The following PTPRN2 variants were observed in gnomAD, a reference collection of about 807,000 sequenced individuals.
PTPRN2 encodes the protein receptor-type tyrosine-protein phosphatase N2.
A neutral mutation model predicts 118.8 loss-of-function variants in PTPRN2; 74 were observed. The observed-to-expected ratio is 0.62, with a 90% confidence interval of 0.52 to 0.76. The LOEUF (loss-of-function observed/expected upper bound fraction) is 0.76. Ranked by LOEUF, PTPRN2 falls within the 30% of genes least tolerant of loss-of-function variation. PTPRN2 has a pLI of 0.00. For synonymous variants in PTPRN2, 641 were observed against 608.0 expected (o/e 1.05, Z -0.80); for missense variants, 1,481 against 1,394.4 (o/e 1.06, Z -0.99).
chr7:158,522,600 G>C (rs936602022), intron 1 of PTPRN2, among the ~76,000 whole-genome samples: 4 of 152,222 alleles, frequency 2.6e-5, no homozygotes, highest in African/African-American at 4.8e-5. Flanking sequence ...CTGGCCCCTG[G>C]TGACCAGATG....
Position 157,888,509 on chromosome 7 carries a change from G to A in PTPRN2, c.1788+10164C>T, listed in dbSNP as rs886526949. Among the ~76,000 whole-genome samples, 3 of 152,222 alleles carry A rather than the reference G, an allele frequency of 2.0e-5. No homozygotes were observed. The South Asian group carries it at 6.2e-4, about 32-fold the overall frequency. On this transcript the variant is annotated intron_variant, in intron 12 of 22. Coordinates refer to ENST00000389418, the MANE Select transcript of PTPRN2 (RefSeq NM_002847.5). ...CTGCTCCAGGGGCCCCGTCAGGAAC[G>A]TGTGGCCGTGCTCTCTGCCCCACCA...
chr7:157,621,346 CG>C lies in PTPRN2; in HGVS notation c.2344+15del. 6.2e-7 allele frequency: 1 copy of C among 1,603,622 alleles called. No homozygotes were observed. The highest frequency in any genetic ancestry group is 8.5e-7 in the Non-Finnish European group (1 of 1,172,684). On this transcript the variant is annotated intron_variant, in intron 15 of 22. Coordinates refer to ENST00000389418, the MANE Select transcript of PTPRN2 (RefSeq NM_002847.5). ...GCCCGTAACCCAGGCTTCCTGCCCC[CG>C]GGGCTGGTACGTACAGGTCAGCACG...
chr7:158,129,198 C>A (rs781364380), intron 9 of PTPRN2, among the ~76,000 whole-genome samples: 4 of 148,720 alleles, frequency 2.7e-5, no homozygotes, highest in Admixed American at 6.7e-5. Flanking sequence ...ACACTACACA[C>A]CACAAACAGA....
At chr7:158,151,962 A>C (rs1410557775) in intron 6 of PTPRN2, among the ~76,000 whole-genome samples, 2 of 152,068 alleles carry the variant, frequency 1.3e-5, no homozygotes, top group African/African-American at 4.8e-5. Context: ...TCACAAGGTC[A>C]GGAGATCAAG....
chr7:158,355,401 C>A (rs1265873900), intron 2 of PTPRN2, among the ~76,000 whole-genome samples: 1 of 152,248 alleles, frequency 6.6e-6, no homozygotes, highest in Non-Finnish European at 1.5e-5. Flanking sequence ...GCATAAGTGT[C>A]TGTAATTTAG....
intron 5 of PTPRN2, among the ~76,000 whole-genome samples, chr7:158,175,859 C>T (rs1041482489): frequency 6.6e-6 from 1 of 152,264 alleles, no homozygotes; most frequent in South Asian, 2.1e-4. Flanking sequence ...ATGATGCATT[C>T]TGAGAGTCTG....
chr7:157,695,631 G>A (rs1272303544), intron 12 of PTPRN2, among the ~76,000 whole-genome samples: 1 of 152,224 alleles, frequency 6.6e-6, no homozygotes, highest in African/African-American at 2.4e-5. Context: ...AGTTGGCATT[G>A]AGATAATTTA....
Position 157,763,842 on chromosome 7 carries a change from C to T in PTPRN2, c.1789-80905G>A, listed in dbSNP as rs1277668893. 6.6e-6 allele frequency among the ~76,000 whole-genome samples: 1 copy of T among 151,996 alleles called. No homozygotes were observed. The highest frequency in any genetic ancestry group is 1.5e-5 in the Non-Finnish European group (1 of 67,998). On this transcript the variant is annotated intron_variant, in intron 12 of 22. Coordinates refer to ENST00000389418, the MANE Select transcript of PTPRN2 (RefSeq NM_002847.5). The surrounding 1 kb of genome is among the most constrained non-coding windows in gnomAD (Gnocchi z 4.9). ...GGGCCTCTGCTGTGTGGCCACTGCC[C>T]CATGTGGCTGCCCCATCCCCCAGAG...
chr7:158,383,326 T>C (rs1182731737), intron 2 of PTPRN2, among the ~76,000 whole-genome samples: 1 of 152,230 alleles, frequency 6.6e-6, no homozygotes, highest in Non-Finnish European at 1.5e-5. Context: ...TTTGATATAA[T>C]CCACAGGGCC....
At chr7:157,546,170 G>A (rs961815764) in intron 22 of PTPRN2, among the ~76,000 whole-genome samples, 1 of 152,222 alleles carries the variant, frequency 6.6e-6, no homozygotes, top group Non-Finnish European at 1.5e-5. Context: ...GAAGCAGCTA[G>A]GAAGCTGACT....
chr7:157,578,348 C>A (rs1800167907), intron 17 of PTPRN2, among the ~76,000 whole-genome samples: 1 of 152,224 alleles, frequency 6.6e-6, no homozygotes, highest in Admixed American at 6.5e-5. Flanking sequence ...TATTAAAAAA[C>A]CCCGCAAATT....
intron 2 of PTPRN2, among the ~76,000 whole-genome samples, chr7:158,378,550 CCCTGAGTCAAGCTG>C (rs1195610999): frequency 2.6e-5 from 4 of 152,292 alleles, no homozygotes; most frequent in Non-Finnish European, 2.9e-5. Context: ...ATTGCGAATG[CCCTGAGTCAAGCTG>C]CCCAGTCTTC....
At chr7:157,659,532 C>T (rs1013689276) in intron 13 of PTPRN2, among the ~76,000 whole-genome samples, 7 of 151,378 alleles carry the variant, frequency 4.6e-5, no homozygotes, top group Non-Finnish European at 8.9e-5. Flanking sequence ...GTGGACTTTA[C>T]CAAGGGCCTC....
At position 158,517,958 on chromosome 7, in the gene PTPRN2, C is replaced by T. The variant is rs112822760; in HGVS notation, c.113-28173G>A. Among the ~76,000 whole-genome samples, 252 of 152,336 alleles carry T rather than the reference C, an allele frequency of 1.7e-3. No individual in the cohort carries two copies. The highest frequency in any genetic ancestry group is 5.9e-3 in the African/African-American group (246 of 41,568). On this transcript the variant is annotated intron_variant, in intron 1 of 22. Transcript: ENST00000389418. The surrounding 1 kb of genome is among the most constrained non-coding windows in gnomAD (Gnocchi z 5.3). ...GGTACCAAGTTGCACCTTGCTTCCT[C>T]CAAGAGGGCTCCCTAATTCCTGACC...
chr7:158,524,579 T>A (rs1023418498), intron 1 of PTPRN2, among the ~76,000 whole-genome samples: 6 of 151,884 alleles, frequency 4.0e-5, no homozygotes, highest in Non-Finnish European at 7.4e-5. Flanking sequence ...GCCAGATCGC[T>A]GAGGAGTGCG....
At position 158,117,782 on chromosome 7, in the gene PTPRN2, G is replaced by GAA. The variant is rs142801094; in HGVS notation, c.1557-6869_1557-6868dup. 8.2e-3 allele frequency among the ~76,000 whole-genome samples: 1,222 copies of GAA among 148,640 alleles called. 17 individuals are homozygous for GAA. Among genetic ancestry groups the GAA allele is most frequent in the African/African-American group, 0.026 (1,043 of 40,606 alleles). ...ATATATTCCAAGTGCTACAGGAAAA[G>GAA]AAAAAAAAAACCTGTCAACCAAGAA... On this transcript the variant is annotated intron_variant, in intron 9 of 22. Coordinates refer to ENST00000389418, the MANE Select transcript of PTPRN2 (RefSeq NM_002847.5).
At chr7:158,171,340 TATATATATACAC>T (rs1302679581) in intron 5 of PTPRN2, among the ~76,000 whole-genome samples, 4 of 120,356 alleles carry the variant, frequency 3.3e-5, no homozygotes, top group African/African-American at 1.4e-4. Context: ...TATATATATA[TATATATATACAC>T]ACACACATTT....
Position 157,794,020 on chromosome 7 carries a change from C to T in PTPRN2, c.1788+104653G>A, listed in dbSNP as rs930746610. Among the ~76,000 whole-genome samples, 1 of 152,138 alleles carries T rather than the reference C, an allele frequency of 6.6e-6. No homozygotes were observed. Among genetic ancestry groups the T allele is most frequent in the Non-Finnish European group, 1.5e-5 (1 of 68,014 alleles). On this transcript the variant is annotated intron_variant, in intron 12 of 22. Coordinates refer to ENST00000389418, the MANE Select transcript of PTPRN2 (RefSeq NM_002847.5). The surrounding 1 kb of genome is among the most constrained non-coding windows in gnomAD (Gnocchi z 5.2). ...GGGTCCCCACCCTCCAGGCCACCTTCGGGCCTCGGCAGCACACCTCGAGGG... is the reference window on the plus strand; with the variant it reads ...GGGTCCCCACCCTCCAGGCCACCTTTGGGCCTCGGCAGCACACCTCGAGGG...
intron 3 of PTPRN2, among the ~76,000 whole-genome samples, chr7:158,295,166 A>G (rs1167717504): frequency 7.3e-6 from 1 of 136,846 alleles, no homozygotes. Flanking sequence ...CTGCCCAGAC[A>G]CTGCACCACA....
Sources: gnomAD v4.1 joint callset for allele counts (sites outside exome capture counted in the v4.1 genomes callset) on GRCh38, gnomAD v4.1.1 for gene constraint, Gnocchi (gnomAD v3.1) non-coding constraint, MANE v1.5 for transcripts, NCBI Gene and HGNC (gene_info 2026-07-23, HGNC 2026-07-21) for gene names.